Variants in CDKN2B-AS1 observed in about 807,000 individuals in gnomAD.
The protein encoded by CDKN2B-AS1 is CDKN2B antisense RNA 1 (non-protein coding).
At chr9:22,120,811 C>G (rs1472949400) in intron 4 of CDKN2B-AS1, 3 of 151,998 alleles carry the variant, frequency 2.0e-5, no homozygotes, top group African/African-American at 7.2e-5. Context: ...TCATCATCAT[C>G]ATCATTATCA....
At chr9:22,011,067 T>G (rs539629103) in intron 1 of CDKN2B-AS1, among the ~76,000 whole-genome samples, 1 of 152,190 alleles carries the variant, frequency 6.6e-6, no homozygotes, top group African/African-American at 2.4e-5. Context: ...CAACTTTGGG[T>G]AGGGAAAACG....
At chr9:22,074,759 A>T (rs1264830037) in intron 4 of CDKN2B-AS1, among the ~76,000 whole-genome samples, 1 of 152,172 alleles carries the variant, frequency 6.6e-6, no homozygotes, top group East Asian at 1.9e-4. Flanking sequence ...AGTGAGATGC[A>T]TATCTGTGGA....
intron 4 of CDKN2B-AS1, among the ~76,000 whole-genome samples, chr9:22,104,940 A>G (rs912963400): frequency 7.2e-5 from 11 of 152,208 alleles, no homozygotes; most frequent in Non-Finnish European, 1.2e-4. Context: ...CATCTAAGAT[A>G]GAAGTTTTAT....
chr9:22,081,490 G>A (rs1194498025), intron 4 of CDKN2B-AS1, among the ~76,000 whole-genome samples: 2 of 152,140 alleles, frequency 1.3e-5, no homozygotes, highest in East Asian at 3.9e-4. Flanking sequence ...AGTCACCTAA[G>A]TTCTTCTCTA....
intron 4 of CDKN2B-AS1, among the ~76,000 whole-genome samples, chr9:22,056,670 C>T (rs1823590590): frequency 6.6e-6 from 1 of 152,130 alleles, no homozygotes; most frequent in Non-Finnish European, 1.5e-5. Context: ...CTGAATGCTA[C>T]ATGTTAAGTG....
chr9:22,064,701 G>A (rs1007620603), intron 4 of CDKN2B-AS1, among the ~76,000 whole-genome samples: 3 of 152,120 alleles, frequency 2.0e-5, no homozygotes, highest in African/African-American at 7.2e-5. Context: ...GGGTCTTGAG[G>A]ATCTGAACAT....
chr9:22,096,585 C>T (rs527531798), intron 4 of CDKN2B-AS1: 1 of 152,256 alleles, frequency 6.6e-6, no homozygotes, highest in South Asian at 2.1e-4. Flanking sequence ...GCAGTAGCTC[C>T]CAGTAGTGCC....
chr9:22,035,815 A>T (rs1283173120), intron 1 of CDKN2B-AS1, among the ~76,000 whole-genome samples: 1 of 152,164 alleles, frequency 6.6e-6, no homozygotes, highest in African/African-American at 2.4e-5. Flanking sequence ...AGATTTTTCT[A>T]GAAGGAGAAG....
At chr9:22,128,030 TA>T (rs1563996633) in exon 5 of CDKN2B-AS1, among the ~76,000 whole-genome samples, 1 of 152,230 alleles carries the variant, frequency 6.6e-6, no homozygotes, top group East Asian at 1.9e-4. Context: ...ATGATGATCA[TA>T]CTAACTTATG....
At chr9:22,013,219 C>G (rs1821588385) in intron 1 of CDKN2B-AS1, among the ~76,000 whole-genome samples, 1 of 152,136 alleles carries the variant, frequency 6.6e-6, no homozygotes, top group Non-Finnish European at 1.5e-5. Flanking sequence ...TTTAAGGGCT[C>G]TATTTCCAAA....
Position 21,995,549 on chromosome 9 carries a change from C to G in CDKN2B-AS1, n.29+388C>G, listed in dbSNP as rs1245043686. Reference sequence around the variant, plus strand: ...CTCCCCCTCCATGTCCCCTCCTCCCCTTTTCTTCCACATCACCGATCCTTT... The same window carrying G: ...CTCCCCCTCCATGTCCCCTCCTCCCGTTTTCTTCCACATCACCGATCCTTT... On this transcript the variant is annotated intron_variant and non_coding_transcript_variant, in intron 1 of 4. Coordinates refer to ENST00000650946, the Ensembl canonical transcript of CDKN2B-AS1. This position sits in a 1 kb window ranked among gnomAD's most constrained non-coding sequence, Gnocchi z 5.7. The G allele has an allele frequency of 6.5e-6, 1 of 152,802 alleles. No homozygotes were observed. The highest frequency in any genetic ancestry group is 6.5e-5 in the Admixed American group (1 of 15,296). The allele number at this position is 152,802 out of a possible 1,614,324, so 9.5% of individuals were successfully genotyped here.
chr9:22,101,665 A>AACACACACACACACACACAC (rs748040681), intron 4 of CDKN2B-AS1, among the ~76,000 whole-genome samples: 1 of 125,382 alleles, frequency 8.0e-6, no homozygotes, highest in African/African-American at 2.8e-5. Flanking sequence ...AACCCTCTTC[A>AACACACACACACACACACAC]ACACACACAC....
At position 22,019,875 on chromosome 9, in the gene CDKN2B-AS1, A is replaced by G. The variant is rs1446386099; in HGVS notation, n.29+24714A>G. ...GAATTAATACCAAACCCTTTAAAAA[A>G]AACTTTTAAGTTCAGGGGTACATGT... On this transcript the variant is annotated intron_variant and non_coding_transcript_variant, in intron 1 of 4. Coordinates refer to ENST00000650946, the Ensembl canonical transcript of CDKN2B-AS1. 2.0e-5 allele frequency among the ~76,000 whole-genome samples: 3 copies of G among 152,222 alleles called. No homozygotes were observed. In the East Asian group the frequency reaches 5.8e-4, roughly 29 times the overall value.
At chr9:22,003,788 T>C (rs1235442967) in intron 1 of CDKN2B-AS1, 1 of 232,336 alleles carries the variant, frequency 4.3e-6, no homozygotes, top group Non-Finnish European at 8.5e-6. Context: ...CATTTTAAAA[T>C]AGTTTTCAAA....
At position 21,996,646 on chromosome 9, in the gene CDKN2B-AS1, C is replaced by T. The variant is rs967770791; in HGVS notation, n.29+1485C>T. ...ATCCTTTTATGGGTCTTCCTCTGCA[C>T]CTATGCCACGCCCCCAGCATTCCCC... On this transcript the variant is annotated intron_variant and non_coding_transcript_variant, in intron 1 of 4. Transcript: ENST00000650946. This position sits in a 1 kb window ranked among gnomAD's most constrained non-coding sequence, Gnocchi z 5.4. Among the ~76,000 whole-genome samples, 1 of 152,054 alleles carries T rather than the reference C, an allele frequency of 6.6e-6. No homozygotes were observed. Among genetic ancestry groups the T allele is most frequent in the Non-Finnish European group, 1.5e-5 (1 of 67,992 alleles).
rs201387679 is a variant in CDKN2B-AS1, at chr9:21,999,732, TTTGTTG to T, written n.29+4583_29+4588del. Among the ~76,000 whole-genome samples, 2 of 152,054 alleles carry T rather than the reference TTTGTTG, an allele frequency of 1.3e-5. No individual in the cohort carries two copies. Among genetic ancestry groups the T allele is most frequent in the African/African-American group, 2.4e-5 (1 of 41,404 alleles). On this transcript the variant is annotated intron_variant and non_coding_transcript_variant, in intron 1 of 4. Coordinates refer to ENST00000650946, the Ensembl canonical transcript of CDKN2B-AS1. This position sits in a 1 kb window ranked among gnomAD's most constrained non-coding sequence, Gnocchi z 4.7. The stretch of plus-strand genomic sequence containing the variant: ...TTGACATGCTTGTGAGGAGACTTTT[TTTGTTG>T]TTGTTGTTGTTAGGGCTCATTCATA...
At chr9:22,119,623 T>C (rs1255231423) in intron 4 of CDKN2B-AS1, 1 of 152,262 alleles carries the variant, frequency 6.6e-6, no homozygotes, top group Non-Finnish European at 1.5e-5. Flanking sequence ...GAATTATCAT[T>C]GCTCAATAGC....
At chr9:22,082,562 G>A (rs113648651) in intron 4 of CDKN2B-AS1, among the ~76,000 whole-genome samples, 2 of 152,178 alleles carry the variant, frequency 1.3e-5, no homozygotes, top group African/African-American at 4.8e-5. Context: ...AACGTATCAT[G>A]ATTTTGATGT....
intron 1 of CDKN2B-AS1, among the ~76,000 whole-genome samples, chr9:22,045,520 T>C (rs1199788440): frequency 6.6e-6 from 1 of 152,098 alleles, no homozygotes; most frequent in Admixed American, 6.6e-5. Flanking sequence ...AATGTACAAA[T>C]AGTTTAGCTT....
Sources: allele counts gnomAD v4.1 joint callset (sites outside exome capture counted in the v4.1 genomes callset), GRCh38; gene constraint gnomAD v4.1.1; non-coding constraint Gnocchi (gnomAD v3.1); transcripts MANE v1.5; gene names NCBI Gene and HGNC (gene_info 2026-07-23, HGNC 2026-07-21).